The following NR6A1 variants were observed in gnomAD, a reference collection of about 807,000 sequenced individuals.
The protein encoded by NR6A1 is retinoic acid receptor-related testis-associated receptor.
Under a neutral mutation model 59.1 loss-of-function variants are expected in NR6A1, and 7 were observed. The ratio of observed to expected loss-of-function variants is 0.12; its 90% CI spans 0.07 to 0.22. NR6A1 has a LOEUF of 0.22. Among genes scored for constraint, NR6A1 ranks in the 10% least tolerant of loss-of-function variants. The pLI is 1.00. For synonymous variants in NR6A1, 243 were observed against 236.1 expected (o/e 1.03, Z -0.27); for missense variants, 468 against 611.6 (o/e 0.77, Z 2.48).
intron 2 of NR6A1, among the ~76,000 whole-genome samples, chr9:124,704,580 G>T (rs1005393884): frequency 3.3e-5 from 5 of 152,054 alleles, no homozygotes; most frequent in African/African-American, 9.7e-5. Context: ...ATTAGTTTGT[G>T]TTTTATCTAG....
chr9:124,622,984 T>C (rs1046651119), intron 2 of NR6A1, among the ~76,000 whole-genome samples: 2 of 152,086 alleles, frequency 1.3e-5, no homozygotes, highest in South Asian at 4.1e-4. Flanking sequence ...TACAGAAGCA[T>C]AACAAGGAGG....
intron 1 of NR6A1, among the ~76,000 whole-genome samples, chr9:124,746,575 G>A (rs577521641): frequency 2.6e-5 from 4 of 152,100 alleles, no homozygotes; most frequent in Non-Finnish European, 2.9e-5. Context: ...GCAACAGAGC[G>A]AGACTCCGTC....
intron 2 of NR6A1, among the ~76,000 whole-genome samples, chr9:124,572,386 T>C (rs1323607242): frequency 6.6e-6 from 1 of 151,982 alleles, no homozygotes; most frequent in East Asian, 1.9e-4. Flanking sequence ...TTCAAGAACA[T>C]GGAGGGAAGG....
chr9:124,708,165 T>C (rs1286592114), intron 2 of NR6A1, among the ~76,000 whole-genome samples: 1 of 152,084 alleles, frequency 6.6e-6, no homozygotes, highest in Non-Finnish European at 1.5e-5. Context: ...AACCTCAGAG[T>C]AGCAGATTTG....
intron 2 of NR6A1, among the ~76,000 whole-genome samples, chr9:124,602,990 G>C (rs1462747801): frequency 6.6e-6 from 1 of 151,996 alleles, no homozygotes; most frequent in Non-Finnish European, 1.5e-5. Context: ...TTTCCTTATA[G>C]TTTCCACTCC....
intron 1 of NR6A1, among the ~76,000 whole-genome samples, chr9:124,763,506 G>C (rs1204892054): frequency 2.0e-5 from 3 of 152,206 alleles, no homozygotes; most frequent in South Asian, 2.1e-4. Context: ...CACTGGTTTG[G>C]ATGCAACCAT....
chr9:124,538,698 A>G (rs1012667783), intron 5 of NR6A1, among the ~76,000 whole-genome samples: 5 of 152,210 alleles, frequency 3.3e-5, no homozygotes, highest in Admixed American at 2.0e-4. Flanking sequence ...TAAGGCACAG[A>G]CAGGCTAAGT....
intron 1 of NR6A1, among the ~76,000 whole-genome samples, chr9:124,767,126 C>G (rs1840954768): frequency 6.6e-6 from 1 of 152,042 alleles, no homozygotes; most frequent in Admixed American, 6.6e-5. Flanking sequence ...CACCTTTGCC[C>G]CAAAACCCTA....
chr9:124,624,577 T>C (rs1836180079), intron 2 of NR6A1, among the ~76,000 whole-genome samples: 1 of 152,194 alleles, frequency 6.6e-6, no homozygotes, highest in Non-Finnish European at 1.5e-5. Flanking sequence ...GGAGTTATCC[T>C]AGGACACACT....
At chr9:124,742,111 G>A (rs1840186784) in intron 1 of NR6A1, among the ~76,000 whole-genome samples, 1 of 152,320 alleles carries the variant, frequency 6.6e-6, no homozygotes, top group South Asian at 2.1e-4. Context: ...ACCTTCAACT[G>A]TCATACATGA....
intron 2 of NR6A1, among the ~76,000 whole-genome samples, chr9:124,576,681 C>G (rs1415917154): frequency 1.3e-5 from 2 of 152,178 alleles, no homozygotes; most frequent in African/African-American, 4.8e-5. Context: ...AACCTATCTA[C>G]TTTACTGGAT....
intron 2 of NR6A1, chr9:124,595,827 G>A: frequency 2.3e-6 from 3 of 1,289,580 alleles, no homozygotes; most frequent in South Asian, 2.5e-5. Context: ...GAGATTACAG[G>A]ACAAGTCCAG....
In NR6A1 at chr9:124,526,288, A is replaced by ATGTGTG. The variant is rs3050281; in HGVS notation, c.1201+485_1201+490dup. 4.7e-4 allele frequency among the ~76,000 whole-genome samples: 69 copies of ATGTGTG among 146,652 alleles called. 1 individual carries two copies. In the South Asian group the frequency reaches 0.01, roughly 22 times the overall value. ...CATGCTTGATTGTGTGTATGTGTGT[A>ATGTGTG]TGTGTGTGTGTGTGTGTGTGTGTGT... On this transcript the variant is annotated intron_variant, in intron 8 of 9. Coordinates refer to ENST00000487099, the MANE Select transcript of NR6A1 (RefSeq NM_033334.4).
At chr9:124,702,339 A>G (rs1320363689) in intron 2 of NR6A1, among the ~76,000 whole-genome samples, 1 of 152,192 alleles carries the variant, frequency 6.6e-6, no homozygotes, top group Non-Finnish European at 1.5e-5. Flanking sequence ...CACTTTTCCC[A>G]GCATCATTTC....
chr9:124,608,776 C>A (rs1012746275), intron 2 of NR6A1, among the ~76,000 whole-genome samples: 6 of 152,148 alleles, frequency 3.9e-5, no homozygotes, highest in Non-Finnish European at 8.8e-5. Flanking sequence ...TAAAAGCATT[C>A]CTATTTCTCT....
chr9:124,698,034 G>C (rs1263315681), intron 2 of NR6A1, among the ~76,000 whole-genome samples: 1 of 152,120 alleles, frequency 6.6e-6, no homozygotes, highest in East Asian at 1.9e-4. Flanking sequence ...CTGGCTGATA[G>C]GAGACAAAAA....
At chr9:124,678,065 T>C (rs540837125) in intron 2 of NR6A1, among the ~76,000 whole-genome samples, 1 of 152,340 alleles carries the variant, frequency 6.6e-6, no homozygotes, top group Non-Finnish European at 1.5e-5. Flanking sequence ...AGTATAGATT[T>C]CTAAATCAGT....
intron 2 of NR6A1, among the ~76,000 whole-genome samples, chr9:124,618,077 G>A (rs571862955): frequency 2.6e-5 from 4 of 152,300 alleles, no homozygotes; most frequent in Admixed American, 2.0e-4. Context: ...AGAATGGAAA[G>A]GGCAAACCTA....
At chr9:124,531,056 T>A (rs1342010857) in intron 7 of NR6A1, among the ~76,000 whole-genome samples, 1 of 152,250 alleles carries the variant, frequency 6.6e-6, no homozygotes, top group African/African-American at 2.4e-5. Context: ...GGCATAATTG[T>A]TAGCTGTTAT....
Sources: gnomAD v4.1 joint callset for allele counts (sites outside exome capture counted in the v4.1 genomes callset) on GRCh38, gnomAD v4.1.1 for gene constraint, MANE v1.5 for transcripts, NCBI Gene and HGNC (gene_info 2026-07-23, HGNC 2026-07-21) for gene names.